The following AP1M2 variants were observed in gnomAD, a reference collection of about 807,000 sequenced individuals.
AP1M2 encodes the protein adaptor related protein complex 1 subunit mu 2.
A neutral mutation model predicts 54.6 loss-of-function variants in AP1M2; 41 were observed. That is an observed-to-expected ratio of 0.75 (90% CI 0.59 to 0.97). AP1M2 has a LOEUF of 0.97. AP1M2 is among the 50% of genes least tolerant of loss of function. The probability of loss-of-function intolerance (pLI) is 0.00; values close to 1 mark genes in which losing one functional copy is unlikely to be tolerated. For synonymous variants in AP1M2, 219 were observed against 215.9 expected (o/e 1.01, Z -0.13); for missense variants, 507 against 561.2 (o/e 0.90, Z 0.98).
At chr19:10,573,686 C>A (rs1365885232) in intron 11 of AP1M2, among the ~76,000 whole-genome samples, 1 of 126,892 alleles carries the variant, frequency 7.9e-6, no homozygotes, top group Non-Finnish European at 1.6e-5. Context: ...TTTTTTGAGC[C>A]AGGGTCTCAC....
intron 8 of AP1M2, 84 bp from the exon 9 acceptor site, chr19:10,577,440 T>TC: frequency 5.4e-6 from 7 of 1,288,564 alleles, no homozygotes; most frequent in Admixed American, 3.1e-5. Flanking sequence ...TTTTTTTTTT[T>TC]TTTTTTTTTT....
chr19:10,583,785 C>A (rs745438715), intron 2 of AP1M2, 112 bp from the exon 3 acceptor site: 3 of 1,476,372 alleles, frequency 2.0e-6, no homozygotes, highest in African/African-American at 2.8e-5. Flanking sequence ...CCTGCCCCTG[C>A]CCCCCAGCCT....
chr19:10,577,260 C>T lies in AP1M2; in HGVS notation c.985G>A (p.Val329Met), dbSNP rs777121547. The T allele has an allele frequency of 6.2e-7, 1 of 1,613,320 alleles. No individual in the cohort carries two copies. Among genetic ancestry groups the T allele is most frequent in the Non-Finnish European group, 8.5e-7 (1 of 1,179,722 alleles). ...TCCGGCACATACTTGGCGCTGCCCA[C>T]ACTGGTCTTGAATCTGGGGGAGTCG... ...DADSPRFKTSVGSAKYVPERN... is the reference protein window; with the variant it reads ...DADSPRFKTSMGSAKYVPERN... Residue 329 changes from valine (V) to methionine (M), a missense_variant, in exon 9 of 12, where the codon GTG becomes ATG. Coordinates refer to ENST00000250244, the MANE Select transcript of AP1M2 (RefSeq NM_005498.5).
intron 1 of AP1M2, among the ~76,000 whole-genome samples, chr19:10,586,550 T>A (rs1360011980): frequency 6.8e-6 from 1 of 147,912 alleles, no homozygotes; most frequent in Admixed American, 6.8e-5. Context: ...TTTGGCAACA[T>A]AGCGGGATCC....
chr19:10,582,399 G>A (rs1599552932), intron 3 of AP1M2, among the ~76,000 whole-genome samples: 1 of 152,078 alleles, frequency 6.6e-6, no homozygotes, highest in African/African-American at 2.4e-5. Flanking sequence ...CGAGGCTGCA[G>A]TGAGCCATGA....
intron 9 of AP1M2, among the ~76,000 whole-genome samples, chr19:10,576,408 G>A (rs530521224): frequency 1.8e-4 from 27 of 151,570 alleles, no homozygotes; most frequent in African/African-American, 5.8e-4. Flanking sequence ...GACTACAGGC[G>A]CCTGCAACCA....
intron 1 of AP1M2, among the ~76,000 whole-genome samples, chr19:10,585,301 A>G (rs1568434765): frequency 7.0e-6 from 1 of 142,406 alleles, no homozygotes; most frequent in East Asian, 2.0e-4. Context: ...GAAAGAAAGA[A>G]AGAAAGAAAG....
At chr19:10,574,790 C>A (rs968864505) in intron 10 of AP1M2, 114 bp downstream of exon 10, 1 of 1,361,618 alleles carries the variant, frequency 7.3e-7, no homozygotes, top group Non-Finnish European at 9.8e-7. Flanking sequence ...ACCAGGCAGC[C>A]TTCAGAGGAG....
chr19:10,586,739 T>C (rs747964309), intron 1 of AP1M2, among the ~76,000 whole-genome samples: 1 of 151,212 alleles, frequency 6.6e-6, no homozygotes, highest in Non-Finnish European at 1.5e-5. Flanking sequence ...GTCTCCAAAA[T>C]AAAAAAAGAC....
chr19:10,578,294 G>A (rs1016410280), intron 8 of AP1M2, among the ~76,000 whole-genome samples: 2 of 152,128 alleles, frequency 1.3e-5, no homozygotes, highest in Admixed American at 6.6e-5. Context: ...AAAGCCGGGG[G>A]TGGTGGGCCA....
chr19:10,578,051 G>A (rs1423851841), intron 8 of AP1M2, among the ~76,000 whole-genome samples: 1 of 152,070 alleles, frequency 6.6e-6, no homozygotes, highest in Non-Finnish European at 1.5e-5. Flanking sequence ...GGGTCATTTT[G>A]AATCAGGCAA....
intron 9 of AP1M2, 48 bp downstream of exon 9, chr19:10,577,150 C>G: frequency 6.4e-7 from 1 of 1,562,090 alleles, no homozygotes; most frequent in Non-Finnish European, 8.7e-7. Context: ...CCCCACACTA[C>G]TCCAGTCCCC....
rs1373583626 is a variant in AP1M2, at chr19:10,581,941, T to C, written c.268-63A>G. ...GCTATGGGTTGGGCATAGTAGCTCA[T>C]GCCTGTAACCCCAGCACCTTGGGAG... On this transcript the variant is annotated intron_variant, in intron 3 of 11. Transcript: ENST00000250244. 3 of 1,497,484 alleles carry C rather than the reference T, an allele frequency of 2.0e-6. No homozygotes were observed. The African/African-American group carries it at 4.2e-5, about 21-fold the overall frequency. 92.8% of individuals were successfully genotyped at this position (1,497,484 alleles called of 1,614,324 possible).
intron 1 of AP1M2, among the ~76,000 whole-genome samples, chr19:10,585,294 A>AGAAAGAAAGAAAGAAAGAAG (rs1917609247): frequency 8.7e-6 from 1 of 114,956 alleles, no homozygotes; most frequent in African/African-American, 3.4e-5. Context: ...AAAGAAAGAA[A>AGAAAGAAAGAAAGAAAGAAG]GAAAGAAAGA....
chr19:10,572,801 A>G lies in AP1M2; in HGVS notation c.*265T>C, dbSNP rs7253965. 0.97 allele frequency: 375,305 copies of G among 388,278 alleles called. 181,460 individuals are homozygous for G. Among genetic ancestry groups the G allele is most frequent in the East Asian group, 1 (24,494 of 24,504 alleles). 24.1% of individuals were successfully genotyped at this position (388,278 alleles called of 1,614,324 possible). A position where few individuals can be genotyped will look rare whatever the true frequency, so the allele number is the denominator to read the frequency against. The stretch of plus-strand genomic sequence containing the variant: ...TAATTGCAAGAAGGCACTCGCGAGG[A>G]GGACTTCAAGCCCCTCTTCTATTTC... On this transcript the variant is annotated 3_prime_UTR_variant, in exon 12 of 12. Coordinates refer to ENST00000250244, the MANE Select transcript of AP1M2 (RefSeq NM_005498.5).
intron 9 of AP1M2, among the ~76,000 whole-genome samples, chr19:10,576,438 A>G (rs1485783828): frequency 2.0e-5 from 3 of 150,990 alleles, no homozygotes; most frequent in African/African-American, 2.4e-5. Flanking sequence ...AATTTTTTGT[A>G]TTTTTAGTAG....
chr19:10,573,918 C>G (rs10422687), intron 11 of AP1M2, among the ~76,000 whole-genome samples: 37,376 of 151,942 alleles, frequency 0.25, 5,328 homozygotes, highest in East Asian at 0.59. Context: ...ACCTCAGCCT[C>G]CCAAAGTGCT....
intron 6 of AP1M2, 106 bp from the exon 7 acceptor site, chr19:10,579,964 C>G: frequency 8.3e-7 from 1 of 1,197,616 alleles, no homozygotes; most frequent in Non-Finnish European, 1.1e-6. Context: ...TATGGGGAAA[C>G]TGGGGCCCAG....
intron 8 of AP1M2, among the ~76,000 whole-genome samples, chr19:10,577,724 C>A (rs564067941): frequency 1.4e-5 from 2 of 144,714 alleles, no homozygotes; most frequent in African/African-American, 5.1e-5. Flanking sequence ...CGTGAGCCAC[C>A]ATGCTTGGCC....
Sources: allele counts gnomAD v4.1 joint callset (sites outside exome capture counted in the v4.1 genomes callset), GRCh38; gene constraint gnomAD v4.1.1; transcripts MANE v1.5; gene names NCBI Gene and HGNC (gene_info 2026-07-23, HGNC 2026-07-21).